SOX6: variants seen among roughly 807,000 people sequenced by gnomAD.
The protein encoded by SOX6 is transcription factor SOX-6.
Under a neutral mutation model 97.8 loss-of-function variants are expected in SOX6, and 11 were observed. That is an observed-to-expected ratio of 0.11 (90% CI 0.07 to 0.19). The LOEUF is 0.19. SOX6 is among the 10% of genes least tolerant of loss of function. SOX6 has a pLI of 1.00. For missense variants in SOX6, 810 were observed against 1,039.5 expected, an observed-to-expected ratio of 0.78 and a Z score of 3.04; for synonymous variants, 360 against 371.4, an observed-to-expected ratio of 0.97 and a Z score of 0.35.
At chr11:16,172,753 G>A (rs1329789485) in intron 6 of SOX6, among the ~76,000 whole-genome samples, 2 of 151,896 alleles carry the variant, frequency 1.3e-5, no homozygotes, top group Non-Finnish European at 2.9e-5. Flanking sequence ...TCAAATATAT[G>A]GAAAATGAAA....
intron 3 of SOX6, among the ~76,000 whole-genome samples, chr11:16,310,734 T>C (rs1287534124): frequency 6.6e-6 from 1 of 152,094 alleles, no homozygotes; most frequent in African/African-American, 2.4e-5. Context: ...GTGTTTCTTA[T>C]GCAAAAACCC....
In SOX6 at chr11:16,194,037, A is replaced by C. The variant is rs909026452; in HGVS notation, c.536-7082T>G. Among the ~76,000 whole-genome samples the C allele has an allele frequency of 2.6e-5, 4 of 152,222 alleles. No homozygotes were observed. The East Asian group carries it at 5.8e-4, about 22-fold the overall frequency. ...AAATGTCACAAAACATAGCAACAAA[A>C]AGTCAACAAAAAATAAACAGGGTAA... On this transcript the variant is annotated intron_variant, in intron 4 of 15. Transcript: ENST00000683767.
intron 1 of SOX6, among the ~76,000 whole-genome samples, chr11:16,377,828 C>T (rs1207603862): frequency 1.3e-5 from 2 of 152,202 alleles, no homozygotes; most frequent in East Asian, 1.9e-4. Flanking sequence ...GTTTCTTTTG[C>T]CATGAGATAT....
chr11:16,194,911 TCTTTA>T (rs1372500917), intron 4 of SOX6, among the ~76,000 whole-genome samples: 3 of 152,226 alleles, frequency 2.0e-5, no homozygotes, highest in African/African-American at 7.2e-5. Context: ...AGACAGACTG[TCTTTA>T]CATTACTGTT....
At chr11:16,514,668 G>A (rs1860937185) in intron 4 of SOX6, among the ~76,000 whole-genome samples, 1 of 150,350 alleles carries the variant, frequency 6.7e-6, no homozygotes, top group African/African-American at 2.4e-5. Context: ...CTAGCATTAG[G>A]TATATCTCCC....
rs1195937515 is a variant in SOX6 at position 16,605,161 on chromosome 11, G to A, written n.609+6920C>T. On this transcript the variant is annotated intron_variant and non_coding_transcript_variant, in intron 4 of 5. Transcript: ENST00000524520. The surrounding 1 kb of genome is among the most constrained non-coding windows in gnomAD (Gnocchi z 5.3). Reference sequence around the variant, plus strand: ...GGAGCAGCGGACCGCGGCCCCGGCTGCAGAGGAACGGCGGGTGGCGGGGCC... The same window carrying A: ...GGAGCAGCGGACCGCGGCCCCGGCTACAGAGGAACGGCGGGTGGCGGGGCC... 1.3e-5 allele frequency among the ~76,000 whole-genome samples: 2 copies of A among 151,952 alleles called. No homozygotes were observed. The highest frequency in any genetic ancestry group is 6.6e-5 in the Admixed American group (1 of 15,266).
intron 3 of SOX6, among the ~76,000 whole-genome samples, chr11:16,647,832 C>T (rs2134010707): frequency 6.6e-6 from 1 of 152,256 alleles, no homozygotes; most frequent in Non-Finnish European, 1.5e-5. Context: ...GAAGTAGCAG[C>T]AGGAAGTGCC....
chr11:16,193,295 C>T (rs1374062951), intron 4 of SOX6, among the ~76,000 whole-genome samples: 1 of 151,934 alleles, frequency 6.6e-6, no homozygotes, highest in Admixed American at 6.6e-5. Flanking sequence ...TCTCTTGAGA[C>T]CAGGAGGTTG....
chr11:16,666,763 A>G (rs1847810067), intron 3 of SOX6, among the ~76,000 whole-genome samples: 1 of 151,976 alleles, frequency 6.6e-6, no homozygotes, highest in Non-Finnish European at 1.5e-5. Flanking sequence ...GCCACTGCAC[A>G]CCAACCTGGA....
chr11:16,007,707 G>C (rs755931283), intron 13 of SOX6, among the ~76,000 whole-genome samples: 156 of 152,082 alleles, frequency 1.0e-3, no homozygotes, highest in Non-Finnish European at 7.1e-4. Flanking sequence ...GGCTCTTACT[G>C]CCAGGAGAGA....
At chr11:16,678,575 C>T (rs1019020312) in intron 3 of SOX6, among the ~76,000 whole-genome samples, 2 of 152,178 alleles carry the variant, frequency 1.3e-5, no homozygotes, top group African/African-American at 4.8e-5. Context: ...AACTGAGGTA[C>T]CTGGTTCATC....
chr11:16,299,425 T>C (rs1245204661), intron 3 of SOX6, among the ~76,000 whole-genome samples: 1 of 152,178 alleles, frequency 6.6e-6, no homozygotes, highest in Admixed American at 6.5e-5. Flanking sequence ...AGCCCAGATT[T>C]TTTTTATAAA....
At chr11:16,383,926 G>C (rs1857901232) in intron 1 of SOX6, among the ~76,000 whole-genome samples, 1 of 151,806 alleles carries the variant, frequency 6.6e-6, no homozygotes, top group African/African-American at 2.4e-5. Flanking sequence ...CAAAAATGCA[G>C]ACACAAGAAC....
At chr11:16,651,780 C>G (rs956952035) in intron 3 of SOX6, among the ~76,000 whole-genome samples, 2 of 152,124 alleles carry the variant, frequency 1.3e-5, no homozygotes, top group African/African-American at 4.8e-5. Flanking sequence ...CCAGAGCAAT[C>G]AGACAAGAGA....
At chr11:16,066,925 G>A (rs1848107286) in intron 9 of SOX6, among the ~76,000 whole-genome samples, 1 of 152,140 alleles carries the variant, frequency 6.6e-6, no homozygotes, top group African/African-American at 2.4e-5. Context: ...AGTCAAAGAA[G>A]ATCATTTTGA....
chr11:16,063,489 C>A (rs1848008061), intron 9 of SOX6, among the ~76,000 whole-genome samples: 1 of 89,150 alleles, frequency 1.1e-5, no homozygotes, highest in Non-Finnish European at 2.1e-5. Flanking sequence ...CTATATTTAC[C>A]ATAATTTTAT....
At chr11:16,260,190 C>T (rs1469450463) in intron 3 of SOX6, among the ~76,000 whole-genome samples, 4 of 151,694 alleles carry the variant, frequency 2.6e-5, no homozygotes, top group East Asian at 3.9e-4. Context: ...TTAGTAGAGA[C>T]GGGGTTTCAC....
chr11:16,629,233 G>A (rs753231661), intron 3 of SOX6, among the ~76,000 whole-genome samples: 3 of 152,144 alleles, frequency 2.0e-5, no homozygotes, highest in African/African-American at 2.4e-5. Context: ...GCTGTGGTGC[G>A]TAATAGATGG....
intron 6 of SOX6, among the ~76,000 whole-genome samples, chr11:16,173,585 T>G (rs1351346680): frequency 1.4e-5 from 2 of 144,260 alleles, no homozygotes; most frequent in Admixed American, 6.9e-5. Context: ...TTTTGTTTTT[T>G]TTTTTTAAAC....
Sources: allele counts gnomAD v4.1 joint callset (sites outside exome capture counted in the v4.1 genomes callset), GRCh38; gene constraint gnomAD v4.1.1; non-coding constraint Gnocchi (gnomAD v3.1); transcripts MANE v1.5; gene names NCBI Gene and HGNC (gene_info 2026-07-23, HGNC 2026-07-21).